ANKRD13C: variants seen among roughly 807,000 people sequenced by gnomAD.
The protein encoded by ANKRD13C is ankyrin repeat domain-containing protein 13C.
Under a neutral mutation model 65.5 loss-of-function variants are expected in ANKRD13C, and 16 were observed. The observed-to-expected ratio is 0.24, with a 90% CI of 0.17 to 0.37. ANKRD13C has a LOEUF of 0.37. ANKRD13C is among the 10% of genes least tolerant of loss of function. ANKRD13C has a pLI of 1.00. For missense variants in ANKRD13C, 503 were observed against 655.9 expected, an observed-to-expected ratio of 0.77 and a Z score of 2.55; for synonymous variants, 235 against 238.7, an observed-to-expected ratio of 0.98 and a Z score of 0.14.
chr1:70,354,422 G>A lies in ANKRD13C; in HGVS notation c.-14C>T, dbSNP rs918998771. ...CTCCCCGGTCATCGCCGCCGCCAGG[G>A]GCAAGGGGGGGAATCGGGAGGCTCA... is the stretch of plus-strand genomic sequence containing the variant. On this transcript the variant is annotated 5_prime_UTR_variant, in exon 1 of 13. Coordinates refer to ENST00000370944, the MANE Select transcript of ANKRD13C (RefSeq NM_030816.5). 11 of 1,605,412 alleles carry A rather than the reference G, an allele frequency of 6.9e-6. No homozygotes were observed. Among genetic ancestry groups the A allele is most frequent in the Admixed American group, 1.7e-5 (1 of 58,922 alleles).
chr1:70,295,221 CTCAT>C (rs1184729813), intron 8 of ANKRD13C, among the ~76,000 whole-genome samples: 3 of 151,784 alleles, frequency 2.0e-5, no homozygotes, highest in Non-Finnish European at 4.4e-5. Context: ...CTTCATACAG[CTCAT>C]TCAATTTATT....
At chr1:70,322,979 G>A (rs1332744070) in intron 3 of ANKRD13C, among the ~76,000 whole-genome samples, 4 of 151,852 alleles carry the variant, frequency 2.6e-5, no homozygotes, top group Non-Finnish European at 4.4e-5. Flanking sequence ...GGCAACAAGG[G>A]TGGAACTCCG....
At chr1:70,309,230 T>G (rs1046219844) in intron 5 of ANKRD13C, among the ~76,000 whole-genome samples, 2 of 151,298 alleles carry the variant, frequency 1.3e-5, no homozygotes, top group Non-Finnish European at 3.0e-5. Context: ...CCCCCTACCA[T>G]GTCCACCTAA....
At chr1:70,343,925 G>A (rs1040759582) in intron 1 of ANKRD13C, among the ~76,000 whole-genome samples, 32 of 152,300 alleles carry the variant, frequency 2.1e-4, no homozygotes, top group Admixed American at 5.9e-4. Flanking sequence ...TGAGGCGGGA[G>A]GATTGCTTGA....
chr1:70,296,392 G>A (rs1680083228), intron 7 of ANKRD13C, 131 bp from the exon 8 acceptor site: 1 of 872,622 alleles, frequency 1.1e-6, no homozygotes, highest in African/African-American at 1.7e-5. Flanking sequence ...TAAATAATGT[G>A]AAGTGTTACT....
chr1:70,327,056 C>G (rs1195416954), intron 2 of ANKRD13C, among the ~76,000 whole-genome samples: 1 of 151,892 alleles, frequency 6.6e-6, no homozygotes, highest in East Asian at 1.9e-4. Flanking sequence ...GCTAAAGCCA[C>G]TAGGTAAAAA....
At chr1:70,339,816 TTATTATTA>T (rs1682227234) in intron 1 of ANKRD13C, among the ~76,000 whole-genome samples, 1 of 1,496 alleles carries the variant, frequency 6.7e-4, no homozygotes, top group African/African-American at 2.5e-3. Flanking sequence ...AGTACGTTTA[TTATTATTA>T]TTATTATTAT....
chr1:70,260,065 A>T lies in ANKRD13C; in HGVS notation c.*2652T>A, dbSNP rs1330580170. Among the ~76,000 whole-genome samples, 2 of 152,096 alleles carry T rather than the reference A, an allele frequency of 1.3e-5. No homozygotes were observed. Among genetic ancestry groups the T allele is most frequent in the African/African-American group, 2.4e-5 (1 of 41,434 alleles). On this transcript the variant is annotated 3_prime_UTR_variant, in exon 13 of 13. Transcript: ENST00000370944. ...AAACTGTATGTGAATACTACTATAA[A>T]AACCCATTTTTATTAGCATGAGTGG... is the stretch of plus-strand genomic sequence containing the variant.
intron 9 of ANKRD13C, among the ~76,000 whole-genome samples, chr1:70,284,273 A>C (rs1309027486): frequency 6.6e-6 from 1 of 152,140 alleles, no homozygotes; most frequent in Non-Finnish European, 1.5e-5. Flanking sequence ...ATAGACATTT[A>C]TTTTTAAGAA....
chr1:70,349,491 T>C (rs1372392400), intron 1 of ANKRD13C, among the ~76,000 whole-genome samples: 4 of 149,508 alleles, frequency 2.7e-5, no homozygotes, highest in South Asian at 2.2e-4. Flanking sequence ...CACAAAATAA[T>C]TGATGACTCA....
intron 12 of ANKRD13C, among the ~76,000 whole-genome samples, chr1:70,269,668 T>C (rs1030706965): frequency 1.3e-5 from 2 of 152,104 alleles, no homozygotes; most frequent in African/African-American, 4.8e-5. Context: ...CCTAGTGCTT[T>C]TGAATTGCAA....
At chr1:70,281,275 T>G (rs1029908343) in intron 9 of ANKRD13C, among the ~76,000 whole-genome samples, 5 of 152,218 alleles carry the variant, frequency 3.3e-5, no homozygotes, top group African/African-American at 1.2e-4. Flanking sequence ...CCAGTATCTG[T>G]TCTCCCATTA....
At chr1:70,306,428 AAAAT>A (rs1473901783) in intron 5 of ANKRD13C, 138 bp from the exon 6 acceptor site, 10 of 507,408 alleles carry the variant, frequency 2.0e-5, no homozygotes, top group Admixed American at 7.9e-5. Context: ...TTTCCATTTA[AAAAT>A]AAATAAAATT....
intron 10 of ANKRD13C, among the ~76,000 whole-genome samples, chr1:70,275,126 A>G (rs1679072265): frequency 6.6e-6 from 1 of 152,228 alleles, no homozygotes; most frequent in Non-Finnish European, 1.5e-5. Flanking sequence ...TTTTTAAGGT[A>G]TTATTGTATA....
chr1:70,346,986 G>A lies in ANKRD13C; in HGVS notation c.430+6993C>T, dbSNP rs181706622. ...GGGCGCCTGTAGTCCCAGCTACTCG[G>A]GAGGCTGAGGCAGGAGAATGGTGTG... On this transcript the variant is annotated intron_variant, in intron 1 of 12. Coordinates refer to ENST00000370944, the MANE Select transcript of ANKRD13C (RefSeq NM_030816.5). Among the ~76,000 whole-genome samples the A allele has an allele frequency of 2.6e-4, 40 of 151,764 alleles. No homozygotes were observed. The East Asian group carries it at 7.4e-3, about 28-fold the overall frequency.
intron 1 of ANKRD13C, among the ~76,000 whole-genome samples, chr1:70,344,605 T>G (rs1022105649): frequency 1.3e-5 from 2 of 152,204 alleles, no homozygotes; most frequent in Admixed American, 6.5e-5. Context: ...AAACAAATAT[T>G]ATTCCTATTT....
intron 1 of ANKRD13C, 75 bp downstream of exon 1, chr1:70,353,904 G>A: frequency 7.0e-7 from 1 of 1,436,826 alleles, no homozygotes; most frequent in Non-Finnish European, 9.2e-7. Context: ...AGGGGGCCTA[G>A]GATTCCAGAA....
At chr1:70,329,594 A>T (rs983938861) in intron 2 of ANKRD13C, among the ~76,000 whole-genome samples, 18 of 152,166 alleles carry the variant, frequency 1.2e-4, no homozygotes, top group Admixed American at 1.3e-4. Flanking sequence ...ACAATAGCTA[A>T]AGGAATACCT....
chr1:70,322,219 T>C (rs1237131834), intron 3 of ANKRD13C, among the ~76,000 whole-genome samples: 1 of 152,100 alleles, frequency 6.6e-6, no homozygotes, highest in Non-Finnish European at 1.5e-5. Context: ...GGAGAACCGC[T>C]TGAACTCGGT....
Sources: allele counts gnomAD v4.1 joint callset (sites outside exome capture counted in the v4.1 genomes callset), GRCh38; gene constraint gnomAD v4.1.1; transcripts MANE v1.5; gene names NCBI Gene and HGNC (gene_info 2026-07-23, HGNC 2026-07-21).